The following PALM2AKAP2 variants were observed in gnomAD, a reference collection of about 807,000 sequenced individuals.
PALM2AKAP2 encodes the protein PALM2-AKAP2 fusion protein.
In PALM2AKAP2, 37 loss-of-function variants were observed where a neutral mutation model predicts 71.5. The ratio of observed to expected loss-of-function variants is 0.52; its 90% CI spans 0.40 to 0.68. The LOEUF (loss-of-function observed/expected upper bound fraction) is 0.68. Among genes scored for constraint, PALM2AKAP2 ranks in the 30% least tolerant of loss-of-function variants. The pLI is 0.00. For missense variants in PALM2AKAP2, 1,224 were observed against 1,191.8 expected, an observed-to-expected ratio of 1.03 and a Z score of -0.40; for synonymous variants, 468 against 478.8, an observed-to-expected ratio of 0.98 and a Z score of 0.29.
intron 1 of PALM2AKAP2, among the ~76,000 whole-genome samples, chr9:110,093,368 G>A (rs749130030): frequency 2.6e-4 from 40 of 152,266 alleles, no homozygotes; most frequent in Non-Finnish European, 3.8e-4. Context: ...GGGGCATGAG[G>A]AGAACTGGTC....
At chr9:109,951,543 C>T (rs893427106) in intron 6 of PALM2AKAP2, among the ~76,000 whole-genome samples, 6 of 152,180 alleles carry the variant, frequency 3.9e-5, no homozygotes, top group African/African-American at 1.4e-4. Context: ...CAGGCCAGAC[C>T]GTGTTGGGAG....
intron 1 of PALM2AKAP2, among the ~76,000 whole-genome samples, chr9:109,840,989 C>T (rs1325257529): frequency 1.3e-5 from 2 of 152,180 alleles, no homozygotes; most frequent in Non-Finnish European, 2.9e-5. Context: ...ACTAGAAATA[C>T]CATTTGACCC....
chr9:109,767,677 T>G (rs1829176695), intron 1 of PALM2AKAP2, among the ~76,000 whole-genome samples: 1 of 152,208 alleles, frequency 6.6e-6, no homozygotes, highest in Non-Finnish European at 1.5e-5. Context: ...CATCGCTGGC[T>G]TCATTCGGGG....
chr9:110,166,873 G>T (rs1836748841), intron 3 of PALM2AKAP2, among the ~76,000 whole-genome samples: 1 of 152,132 alleles, frequency 6.6e-6, no homozygotes, highest in African/African-American at 2.4e-5. Flanking sequence ...CTCTGGAGTT[G>T]CCAACTGTAT....
At position 109,909,067 on chromosome 9, in the gene PALM2AKAP2, A is replaced by G. The variant is rs74835668; in HGVS notation, c.258-14668A>G. On this transcript the variant is annotated intron_variant, in intron 3 of 9. Coordinates refer to the PALM2AKAP2 transcript ENST00000302798. The stretch of plus-strand genomic sequence containing the variant: ...TCCATCATTCTGGCCCAATTCCTAC[A>G]TATCTGTGCATCTTCTACTTATGGT... Among the ~76,000 whole-genome samples the G allele has an allele frequency of 6.4e-3, 975 of 152,202 alleles. 16 individuals carry two copies. The highest frequency in any genetic ancestry group is 0.022 in the African/African-American group (924 of 41,534).
At chr9:109,866,077 A>C (rs146146887) in intron 1 of PALM2AKAP2, among the ~76,000 whole-genome samples, 33 of 152,370 alleles carry the variant, frequency 2.2e-4, no homozygotes, top group African/African-American at 7.9e-4. Context: ...TCCGTGACTT[A>C]GATATCATAT....
rs891788664 is a variant in PALM2AKAP2 at position 109,808,604 on chromosome 9, T to C, written c.45+28071T>C. On this transcript the variant is annotated intron_variant, in intron 1 of 9. Coordinates refer to the PALM2AKAP2 transcript ENST00000302798. ...AAAGTTCAAAAAATTTAAAGCCTGA[T>C]GTTGCGATAGAAAAGAAAATCTCAT... Among the ~76,000 whole-genome samples, 24 of 152,356 alleles carry C rather than the reference T, an allele frequency of 1.6e-4. No individual in the cohort carries two copies. In the East Asian group the frequency reaches 2.1e-3, roughly 13 times the overall value.
At chr9:109,763,958 T>C (rs1276595728) in intron 1 of PALM2AKAP2, among the ~76,000 whole-genome samples, 1 of 152,154 alleles carries the variant, frequency 6.6e-6, no homozygotes, top group Non-Finnish European at 1.5e-5. Context: ...CTCAATATCC[T>C]TAACTAAATT....
intron 2 of PALM2AKAP2, among the ~76,000 whole-genome samples, chr9:109,873,281 G>A (rs867745530): frequency 3.9e-5 from 6 of 151,972 alleles, no homozygotes; most frequent in South Asian, 2.1e-4. Context: ...TAGCCAACAT[G>A]GCAAAACCCT....
At chr9:109,990,954 GAGGGCCATCTTGGGCTAGT>G (rs1832470170) in intron 6 of PALM2AKAP2, among the ~76,000 whole-genome samples, 1 of 152,194 alleles carries the variant, frequency 6.6e-6, no homozygotes, top group African/African-American at 2.4e-5. Flanking sequence ...ACTAGTGTAA[GAGGGCCATCTTGGGCTAGT>G]AGGGAAGTCC....
chr9:110,166,709 C>T (rs549855835), intron 3 of PALM2AKAP2, among the ~76,000 whole-genome samples: 1 of 152,248 alleles, frequency 6.6e-6, no homozygotes, highest in African/African-American at 2.4e-5. Flanking sequence ...AAAGGGGAGG[C>T]TTCACAGAGG....
chr9:109,810,847 G>T (rs1300577169), intron 1 of PALM2AKAP2, among the ~76,000 whole-genome samples: 1 of 152,172 alleles, frequency 6.6e-6, no homozygotes, highest in Non-Finnish European at 1.5e-5. Flanking sequence ...AAATAGAGAG[G>T]CTGTTCTTGT....
chr9:110,097,160 C>G lies in PALM2AKAP2; in HGVS notation c.157-38967C>G, dbSNP rs375287297. 3.2e-4 allele frequency among the ~76,000 whole-genome samples: 48 copies of G among 150,758 alleles called. 1 individual carries two copies. Among genetic ancestry groups the G allele is most frequent in the African/African-American group, 7.4e-4 (30 of 40,798 alleles). ...TTAGGGAGTGGTGATGACTCTTAACCAGCATGCTGCCTTCAAGCGTCTGTT... is the reference window on the plus strand; with the variant it reads ...TTAGGGAGTGGTGATGACTCTTAACGAGCATGCTGCCTTCAAGCGTCTGTT... On this transcript the variant is annotated intron_variant, in intron 1 of 3. Coordinates refer to ENST00000374525, the Ensembl canonical transcript of PALM2AKAP2.
In PALM2AKAP2 at chr9:109,980,875, C is replaced by G. The variant is rs561318729; in HGVS notation, c.497-35079C>G. 3.3e-5 allele frequency among the ~76,000 whole-genome samples: 5 copies of G among 152,354 alleles called. No homozygotes were observed. In the South Asian group the frequency reaches 1.0e-3, roughly 32 times the overall value. ...AACATTATTTTGTTTAATTGACAGA[C>G]AGAACCATATAGTGGTTAAGAACCT... On this transcript the variant is annotated intron_variant, in intron 6 of 9. Coordinates refer to the PALM2AKAP2 transcript ENST00000302798.
intron 6 of PALM2AKAP2, among the ~76,000 whole-genome samples, chr9:109,936,813 T>G (rs1046775883): frequency 1.3e-5 from 2 of 152,158 alleles, no homozygotes; most frequent in Non-Finnish European, 2.9e-5. Context: ...TTCTCCCTCC[T>G]CCCATCTCCC....
intron 1 of PALM2AKAP2, among the ~76,000 whole-genome samples, chr9:110,059,824 G>C (rs753730): frequency 0.12 from 17,894 of 152,202 alleles, 1,402 homozygotes; most frequent in Non-Finnish European, 0.16. Flanking sequence ...GAATGACTAG[G>C]GGGTGGAGAT....
intron 6 of PALM2AKAP2, among the ~76,000 whole-genome samples, chr9:109,986,934 T>C (rs1019185509): frequency 1.3e-5 from 2 of 152,206 alleles, no homozygotes; most frequent in African/African-American, 2.4e-5. Flanking sequence ...GGCCTGATGC[T>C]ATCTCTTTTC....
At chr9:110,132,903 G>A (rs568552107) in intron 1 of PALM2AKAP2, among the ~76,000 whole-genome samples, 60 of 152,166 alleles carry the variant, frequency 3.9e-4, no homozygotes, top group Non-Finnish European at 7.8e-4. Flanking sequence ...AGCTATTATT[G>A]CACCCTGCCA....
At chr9:109,642,074 C>T (rs1564098873) in intron 1 of PALM2AKAP2, among the ~76,000 whole-genome samples, 1 of 152,160 alleles carries the variant, frequency 6.6e-6, no homozygotes, top group Non-Finnish European at 1.5e-5. Flanking sequence ...GTTCCTTACT[C>T]ACTTTGAAGC....
Sources: allele counts gnomAD v4.1 joint callset (sites outside exome capture counted in the v4.1 genomes callset), GRCh38; gene constraint gnomAD v4.1.1; transcripts MANE v1.5; gene names NCBI Gene and HGNC (gene_info 2026-07-23, HGNC 2026-07-21).